Variants in SYNE2 observed in about 807,000 individuals in gnomAD.
SYNE2 encodes spectrin repeat containing nuclear envelope protein 2.
Under a neutral mutation model 856.3 loss-of-function variants are expected in SYNE2, and 431 were observed. The ratio of observed to expected loss-of-function variants is 0.50; its 90% confidence interval spans 0.47 to 0.55. The LOEUF (loss-of-function observed/expected upper bound fraction) is 0.55, where lower values mean the gene tolerates loss of function less well. Among genes scored for constraint, SYNE2 ranks in the 20% least tolerant of loss-of-function variants. SYNE2 has a pLI of 0.00. For missense variants in SYNE2, 8,129 were observed against 8,023.2 expected (o/e 1.01, Z -0.50); for synonymous variants, 2,923 against 2,872.3 (o/e 1.02, Z -0.56).
chr14:63,927,021 C>T lies in SYNE2; in HGVS notation c.80-13593C>T, dbSNP rs532843033. 1.1e-4 allele frequency among the ~76,000 whole-genome samples: 17 copies of T among 152,230 alleles called. 1 individual carries two copies. The South Asian group carries it at 3.3e-3, about 30-fold the overall frequency. On this transcript the variant is annotated intron_variant, in intron 2 of 115. Coordinates refer to ENST00000555002, the MANE Select transcript of SYNE2 (RefSeq NM_182914.3). The stretch of plus-strand genomic sequence containing the variant: ...AGCTTGTAAAGGTCCTGAAAGAAGG[C>T]GGGAGTGGCTGGAGCCAGGGGTGTA...
chr14:64,020,920 A>C (rs1430461919), intron 35 of SYNE2, among the ~76,000 whole-genome samples: 1 of 152,202 alleles, frequency 6.6e-6, no homozygotes, highest in Non-Finnish European at 1.5e-5. Context: ...TTTTGTACAC[A>C]AAGTGCTTAC....
chr14:63,842,855 T>C (rs916626395), intron 1 of SYNE2, among the ~76,000 whole-genome samples: 4 of 152,134 alleles, frequency 2.6e-5, no homozygotes, highest in African/African-American at 4.8e-5. Flanking sequence ...AGGGTTACCA[T>C]TGTGTCTTTC....
intron 1 of SYNE2, among the ~76,000 whole-genome samples, chr14:63,795,186 G>C (rs1348298993): frequency 6.6e-6 from 1 of 152,156 alleles, no homozygotes; most frequent in African/African-American, 2.4e-5. Context: ...TGAGGGTGTT[G>C]CCAAAGGAGA....
chr14:64,186,511 G>A lies in SYNE2; in HGVS notation c.17644G>A (p.Glu5882Lys), dbSNP rs1297037857. The A allele has an allele frequency of 9.3e-6, 15 of 1,614,106 alleles. No homozygotes were observed. The highest frequency in any genetic ancestry group is 1.3e-5 in the Non-Finnish European group (15 of 1,180,044). Residue 5882 changes from glutamate to lysine, a missense_variant, in exon 97 of 116, where the codon GAA (glutamate) becomes AAA (lysine). Physicochemically the swap from Glu to Lys is moderately conservative, Grantham distance 56. This residue lies in a region of SYNE2 where 5,410 missense variants were observed against 5,284.8 expected (regional missense o/e 1.02). Coordinates refer to ENST00000555002, the MANE Select transcript of SYNE2 (RefSeq NM_182914.3). ...KADLTRHVLV[E>K]DVMVLKEQIE... ...GGACTTAACCCGGCACGTTCTCGTG[G>A]AAGATGTGATGGTTTTGAAGGAGCA...
At chr14:63,828,150 T>A (rs1444149500) in intron 1 of SYNE2, among the ~76,000 whole-genome samples, 1 of 150,516 alleles carries the variant, frequency 6.6e-6, no homozygotes, top group East Asian at 2.0e-4. Flanking sequence ...TGAGCCATGA[T>A]CATGCCACTG....
chr14:63,911,926 G>A (rs376531137), intron 2 of SYNE2, among the ~76,000 whole-genome samples: 1 of 152,188 alleles, frequency 6.6e-6, no homozygotes, highest in African/African-American at 2.4e-5. Context: ...TTGGAGAGTA[G>A]TATGGACTGT....
At chr14:63,901,818 G>A (rs1439785265) in intron 1 of SYNE2, among the ~76,000 whole-genome samples, 2 of 152,204 alleles carry the variant, frequency 1.3e-5, no homozygotes, top group East Asian at 3.9e-4. Context: ...TAGCTACTTG[G>A]GAGGACGAGG....
intron 91 of SYNE2, 23 bp downstream of exon 91, chr14:64,167,410 G>A (rs376230927): frequency 3.8e-5 from 61 of 1,614,072 alleles, no homozygotes; most frequent in Admixed American, 2.5e-4. Flanking sequence ...CTTCTCTGTC[G>A]TTGTTTCAAT....
At chr14:63,790,776 GAAC>G (rs1221969734) in intron 1 of SYNE2, among the ~76,000 whole-genome samples, 2 of 152,036 alleles carry the variant, frequency 1.3e-5, no homozygotes, top group Non-Finnish European at 2.9e-5. Context: ...ATTTTTCAAA[GAAC>G]AACACAAAGA....
At chr14:64,136,119 A>G (rs2098085813) in intron 78 of SYNE2, among the ~76,000 whole-genome samples, 1 of 151,944 alleles carries the variant, frequency 6.6e-6, no homozygotes, top group African/African-American at 2.4e-5. Context: ...GTAAAACCCC[A>G]TCTCTACTAA....
chr14:64,217,643 C>G (rs1397562203), intron 108 of SYNE2, among the ~76,000 whole-genome samples: 1 of 152,176 alleles, frequency 6.6e-6, no homozygotes, highest in African/African-American at 2.4e-5. Flanking sequence ...CTTGGCTATC[C>G]CTTCCTGTGA....
chr14:64,219,428 T>TGG lies in SYNE2; in HGVS notation c.19860+21_19860+22dup, dbSNP rs763704641. 7.4e-6 allele frequency: 12 copies of TGG among 1,612,238 alleles called. No individual in the cohort carries two copies. The highest frequency in any genetic ancestry group is 1.0e-5 in the Non-Finnish European group (12 of 1,178,626). On this transcript the variant is annotated intron_variant, in intron 110 of 115. Transcript: ENST00000555002. ...GACTGCAGGTGAGTTAGAGGTGTGG[T>TGG]GGGGAAGAGGGATTCAGAATGTGCA... is the stretch of plus-strand genomic sequence containing the variant.
chr14:63,949,330 AATT>A (rs1370313068), intron 6 of SYNE2, among the ~76,000 whole-genome samples: 2 of 152,078 alleles, frequency 1.3e-5, no homozygotes. Context: ...AAATTTCTTA[AATT>A]ATTAATGCAA....
chr14:64,068,908 C>G (rs1319770597), intron 51 of SYNE2, among the ~76,000 whole-genome samples: 2 of 151,016 alleles, frequency 1.3e-5, no homozygotes, highest in African/African-American at 2.4e-5. Flanking sequence ...CTCTTGTATT[C>G]CCCCTTCTCA....
Position 64,098,431 on chromosome 14 carries a change from C to T in SYNE2, c.12306+285C>T. 2.0e-5 allele frequency: 12 copies of T among 586,016 alleles called. No homozygotes were observed. The South Asian group carries it at 2.2e-4, about 11-fold the overall frequency. 36.3% of individuals were successfully genotyped at this position (586,016 alleles called of 1,614,324 possible). A position where few individuals can be genotyped will look rare whatever the true frequency, so the allele number is the denominator to read the frequency against. ...AGCCTCCCTTTGAAGTATCTTCGTACAGAAAAGTCAGCCCTTTGCAGACTC... is the reference window on the plus strand; with the variant it reads ...AGCCTCCCTTTGAAGTATCTTCGTATAGAAAAGTCAGCCCTTTGCAGACTC... On this transcript the variant is annotated intron_variant, in intron 62 of 115. Transcript: ENST00000555002.
intron 21 of SYNE2, 114 bp from the exon 22 acceptor site, chr14:63,993,721 G>C: frequency 1.1e-6 from 1 of 884,236 alleles, no homozygotes; most frequent in East Asian, 2.6e-5. Flanking sequence ...TCTTCAGAGA[G>C]CACCTTCCCA....
At chr14:64,014,767 C>T (rs1008659793) in intron 32 of SYNE2, among the ~76,000 whole-genome samples, 4 of 151,534 alleles carry the variant, frequency 2.6e-5, no homozygotes, top group East Asian at 1.9e-4. Flanking sequence ...TTTTTCAGAG[C>T]GGTTTTACCA....
chr14:63,792,669 GTTT>G (rs1168062767), intron 1 of SYNE2, among the ~76,000 whole-genome samples: 5 of 151,266 alleles, frequency 3.3e-5, no homozygotes, highest in Non-Finnish European at 7.4e-5. Context: ...TTGTTTGTTT[GTTT>G]GTTTGTTTTT....
At chr14:63,912,035 TAGG>T (rs954752067) in intron 2 of SYNE2, among the ~76,000 whole-genome samples, 20 of 149,116 alleles carry the variant, frequency 1.3e-4, no homozygotes, top group African/African-American at 5.2e-4. Flanking sequence ...ACTGCTGTCT[TAGG>T]GGGACTGGTA....
Sources: gnomAD v4.1 joint callset for allele counts (sites outside exome capture counted in the v4.1 genomes callset) on GRCh38, gnomAD v4.1.1 for gene constraint, gnomAD v4.1.1 regional missense constraint, MANE v1.5 for transcripts, NCBI Gene and HGNC (gene_info 2026-07-23, HGNC 2026-07-21) for gene names.